The following CCDC141 variants were observed in gnomAD, a reference collection of about 807,000 sequenced individuals.
The protein encoded by CCDC141 is coiled-coil domain-containing protein 141.
In CCDC141, 168 loss-of-function variants were observed where a neutral mutation model predicts 181.0. The ratio of observed to expected loss-of-function variants is 0.93; its 90% confidence interval spans 0.82 to 1.05. CCDC141 has a LOEUF of 1.05. Among genes scored for constraint, CCDC141 ranks in the 50% least tolerant of loss-of-function variants. The pLI is 0.00. For missense variants in CCDC141, 1,902 were observed against 1,788.5 expected (o/e 1.06, Z -1.14); for synonymous variants, 666 against 642.3 (o/e 1.04, Z -0.56).
chr2:178,853,529 G>T lies in CCDC141; in HGVS notation c.3156C>A (p.His1052Gln). 6.2e-7 allele frequency: 1 copy of T among 1,614,020 alleles called. No individual in the cohort carries two copies. Among genetic ancestry groups the T allele is most frequent in the Non-Finnish European group, 8.5e-7 (1 of 1,179,936 alleles). ...CKTKEAVKIL[H>Q]QQFNKFIAPS... ...GTGCAATAAACTTATTAAACTGCTGGTGGAGAATTTTCACAGCTTCCTTTG... is the reference window on the plus strand; with the variant it reads ...GTGCAATAAACTTATTAAACTGCTGTTGGAGAATTTTCACAGCTTCCTTTG... The change falls in exon 20 of 24, where the codon CAC (histidine) becomes CAA (glutamine). Residue 1052 changes from histidine (H) to glutamine (Q), a missense_variant. Coordinates refer to ENST00000443758, the MANE Select transcript of CCDC141 (RefSeq NM_173648.4).
intron 12 of CCDC141, chr2:178,876,843 T>C (rs1455388617): frequency 2.6e-5 from 4 of 152,044 alleles, no homozygotes; most frequent in Admixed American, 6.6e-5. Context: ...AGAAAAAATA[T>C]AAAGGCCCAC....
chr2:178,952,703 C>A (rs1397891114), intron 5 of CCDC141, among the ~76,000 whole-genome samples: 1 of 151,766 alleles, frequency 6.6e-6, no homozygotes, highest in Non-Finnish European at 1.5e-5. Context: ...CTAGAGATAG[C>A]CTATATACCA....
chr2:179,043,820 G>A (rs2043393320), intron 2 of CCDC141, among the ~76,000 whole-genome samples: 1 of 152,158 alleles, frequency 6.6e-6, no homozygotes, highest in African/African-American at 2.4e-5. Flanking sequence ...GGGCAATCAG[G>A]CAAGAGAAAC....
intron 2 of CCDC141, among the ~76,000 whole-genome samples, chr2:179,015,276 A>C (rs2042441422): frequency 8.1e-6 from 1 of 122,836 alleles, no homozygotes; most frequent in African/African-American, 3.0e-5. Context: ...TATATATCTC[A>C]TCTATCTCTC....
At chr2:179,041,821 C>A (rs1257553821) in intron 2 of CCDC141, among the ~76,000 whole-genome samples, 3 of 152,006 alleles carry the variant, frequency 2.0e-5, no homozygotes, top group East Asian at 3.9e-4. Flanking sequence ...CAAAGAAGAG[C>A]ATTGCATAAA....
At chr2:178,880,069 G>A (rs1686526549) in intron 11 of CCDC141, among the ~76,000 whole-genome samples, 1 of 152,166 alleles carries the variant, frequency 6.6e-6, no homozygotes. Context: ...GCAATCATCA[G>A]GGCTTCAATA....
intron 2 of CCDC141, among the ~76,000 whole-genome samples, chr2:179,017,712 G>C (rs957883934): frequency 6.6e-6 from 1 of 151,960 alleles, no homozygotes; most frequent in Non-Finnish European, 1.5e-5. Context: ...TAAAAATCAG[G>C]GCAGTTACCA....
intron 2 of CCDC141, among the ~76,000 whole-genome samples, chr2:179,014,038 C>T (rs927377235): frequency 6.7e-6 from 1 of 148,960 alleles, no homozygotes; most frequent in Non-Finnish European, 1.5e-5. Context: ...TACTATAAGG[C>T]CATAGTCACC....
At chr2:178,969,281 C>T (rs1690775182) in intron 4 of CCDC141, among the ~76,000 whole-genome samples, 1 of 152,076 alleles carries the variant, frequency 6.6e-6, no homozygotes, top group African/African-American at 2.4e-5. Context: ...ATACCAAAGC[C>T]TGGCAGAGAC....
chr2:179,043,708 C>T (rs1657047957), intron 2 of CCDC141, among the ~76,000 whole-genome samples: 1 of 152,214 alleles, frequency 6.6e-6, no homozygotes, highest in African/African-American at 2.4e-5. Context: ...GACAAACCCG[C>T]ATCCAGTATT....
At chr2:178,891,773 ATCTCTCTCTCTCTC>A (rs34185031) in intron 8 of CCDC141, among the ~76,000 whole-genome samples, 1 of 149,284 alleles carries the variant, frequency 6.7e-6, no homozygotes, top group Non-Finnish European at 1.5e-5. Context: ...ATCATATAGG[ATCTCTCTCTCTCTC>A]TCTCTCTCTC....
rs1252107317 is a variant in CCDC141, at chr2:178,837,674, T to C, written c.3545A>G (p.Lys1182Arg). Residue 1182 changes from lysine (K) to arginine (R), a missense_variant, in exon 23 of 24, where the codon AAG (lysine) becomes AGG (arginine). Lys to Arg is a conservative substitution (Grantham distance 26). Transcript: ENST00000443758. The part of the protein sequence containing the change: ...TGEERLPQDL[K>R]VSTDKEGGVQ... ...GCCACCCTCCTTGTCAGTGGACACC[T>C]TCAGGTCTTGTGGTAGTCGCTCTTC... 6 of 1,614,028 alleles carry C rather than the reference T, an allele frequency of 3.7e-6. No homozygotes were observed. In the Admixed American group the frequency reaches 5.0e-5, roughly 13 times the overall value.
At chr2:179,020,994 A>G (rs2042677016) in intron 2 of CCDC141, among the ~76,000 whole-genome samples, 2 of 152,216 alleles carry the variant, frequency 1.3e-5, no homozygotes, top group African/African-American at 4.8e-5. Context: ...GCTGATTAGC[A>G]TGTGATTGTT....
At chr2:178,882,285 C>T (rs1180225190) in intron 11 of CCDC141, among the ~76,000 whole-genome samples, 1 of 152,132 alleles carries the variant, frequency 6.6e-6, no homozygotes, top group Non-Finnish European at 1.5e-5. Context: ...AGGAGAATCA[C>T]TTGAACCTGG....
chr2:178,976,201 C>A (rs1316033833), intron 3 of CCDC141, among the ~76,000 whole-genome samples: 1 of 152,040 alleles, frequency 6.6e-6, no homozygotes, highest in Non-Finnish European at 1.5e-5. Context: ...CACTAAGATT[C>A]AACAGTAATT....
chr2:178,946,526 G>A (rs1027930480), intron 5 of CCDC141, among the ~76,000 whole-genome samples: 1 of 152,116 alleles, frequency 6.6e-6, no homozygotes, highest in Non-Finnish European at 1.5e-5. Flanking sequence ...GGAGGGACTT[G>A]ACATCTCAAG....
intron 2 of CCDC141, among the ~76,000 whole-genome samples, chr2:178,983,925 G>A (rs1691574232): frequency 6.6e-6 from 1 of 150,412 alleles, no homozygotes; most frequent in Non-Finnish European, 1.5e-5. Context: ...CCCCAATCTA[G>A]CAAGGCAGGC....
chr2:178,981,053 C>A (rs1013552237), intron 2 of CCDC141, among the ~76,000 whole-genome samples: 4 of 152,098 alleles, frequency 2.6e-5, no homozygotes, highest in African/African-American at 9.7e-5. Context: ...GAAGGCATGA[C>A]AATTCTAAAT....
At chr2:178,991,368 G>A (rs139789245) in intron 2 of CCDC141, among the ~76,000 whole-genome samples, 283 of 152,206 alleles carry the variant, frequency 1.9e-3, no homozygotes, top group African/African-American at 6.2e-3. Context: ...TGTACTAAAT[G>A]CCACTGAATT....
Sources: allele counts gnomAD v4.1 joint callset (sites outside exome capture counted in the v4.1 genomes callset), GRCh38; gene constraint gnomAD v4.1.1; transcripts MANE v1.5; gene names NCBI Gene and HGNC (gene_info 2026-07-23, HGNC 2026-07-21).